Variants in SNED1 observed in about 807,000 individuals in gnomAD.
SNED1 encodes sushi, nidogen and EGF-like domain-containing protein 1.
In SNED1, 81 loss-of-function variants were observed where a neutral mutation model predicts 166.7. The ratio of observed to expected loss-of-function variants is 0.49; its 90% CI spans 0.41 to 0.58. SNED1 has a LOEUF of 0.58. SNED1 is among the 20% of genes least tolerant of loss of function. SNED1 has a pLI of 0.00. For synonymous variants in SNED1, 762 were observed against 822.0 expected, an observed-to-expected ratio of 0.93 and a Z score of 1.25; for missense variants, 1,604 against 2,000.2, an observed-to-expected ratio of 0.80 and a Z score of 3.78.
At chr2:241,024,235 CTTTTTTTTTTTTTTTTT>C (rs10664618) in intron 1 of SNED1, among the ~76,000 whole-genome samples, 1 of 46,908 alleles carries the variant, frequency 2.1e-5, no homozygotes, top group Non-Finnish European at 4.0e-5. Context: ...ACTCTACTAC[CTTTTTTTTTTTTTTTTT>C]TTTTTTTTTT....
At chr2:241,004,331 T>G (rs2060158817) in intron 1 of SNED1, among the ~76,000 whole-genome samples, 1 of 152,262 alleles carries the variant, frequency 6.6e-6, no homozygotes, top group African/African-American at 2.4e-5. Flanking sequence ...TGATTTTTTT[T>G]AATCCAGCCT....
At chr2:241,021,904 T>A (rs1260813118) in intron 1 of SNED1, among the ~76,000 whole-genome samples, 2 of 152,182 alleles carry the variant, frequency 1.3e-5, no homozygotes, top group African/African-American at 2.4e-5. Flanking sequence ...TGTATGAGGG[T>A]TCCAATTTCT....
intron 1 of SNED1, among the ~76,000 whole-genome samples, chr2:241,021,194 T>C (rs1180742139): frequency 6.6e-6 from 1 of 152,150 alleles, no homozygotes; most frequent in Non-Finnish European, 1.5e-5. Context: ...TGTTAGCTCC[T>C]TGTCAGTGCC....
At chr2:241,083,340 T>A (rs7580364) in intron 29 of SNED1, among the ~76,000 whole-genome samples, 5,675 of 152,094 alleles carry the variant, frequency 0.037, 365 homozygotes, top group African/African-American at 0.13. Flanking sequence ...CAGGGAACCC[T>A]CGGGGCCATG....
At chr2:241,072,462 A>C (rs1301108796) in intron 26 of SNED1, 5 of 355,076 alleles carry the variant, frequency 1.4e-5, no homozygotes, top group Non-Finnish European at 2.8e-5. Flanking sequence ...CCTGCCCCAG[A>C]GGGGACCTCT....
chr2:241,064,040 C>T lies in SNED1; in HGVS notation c.2514C>T (p.Cys838=). ...TGGACGCCTGCGACTCCAGCCCCTGCCAGCATGGAGGCCGGTGTGAGAGCG... is the reference window on the plus strand; with the variant it reads ...TGGACGCCTGCGACTCCAGCCCCTGTCAGCATGGAGGCCGGTGTGAGAGCG... The part of the protein sequence containing the change: ...TEVDACDSSP[C]QHGGRCESGG... The change falls in exon 19 of 32, where the codon TGC becomes TGT. Residue 838 remains cysteine (C), a synonymous_variant. Coordinates refer to ENST00000310397, the MANE Select transcript of SNED1 (RefSeq NM_001080437.3). This position sits in a 1 kb window ranked among gnomAD's most constrained non-coding sequence, Gnocchi z 7.0. 1 of 1,561,058 alleles carries T rather than the reference C, an allele frequency of 6.4e-7. No individual in the cohort carries two copies. The highest frequency in any genetic ancestry group is 8.7e-7 in the Non-Finnish European group (1 of 1,153,396).
At chr2:241,028,489 CT>C (rs1407884788) in intron 1 of SNED1, among the ~76,000 whole-genome samples, 1 of 152,226 alleles carries the variant, frequency 6.6e-6, no homozygotes, top group African/African-American at 2.4e-5. Context: ...AAGGGCCCAA[CT>C]TCATCCTTTT....
rs2062366866 is a variant in SNED1 at position 241,064,737 on chromosome 2, C to G, written c.2600-107C>G. On this transcript the variant is annotated intron_variant, in intron 19 of 31. Coordinates refer to ENST00000310397, the MANE Select transcript of SNED1 (RefSeq NM_001080437.3). This position sits in a 1 kb window ranked among gnomAD's most constrained non-coding sequence, Gnocchi z 7.0. ...AGTAGCTGTCCTGTGCCCCCCGCCCCTCCACACCCACGCAGGAGGGACCCA... is the reference window on the plus strand; with the variant it reads ...AGTAGCTGTCCTGTGCCCCCCGCCCGTCCACACCCACGCAGGAGGGACCCA... 1.3e-6 allele frequency: 1 copy of G among 764,088 alleles called. No homozygotes were observed. The highest frequency in any genetic ancestry group is 3.1e-5 in the East Asian group (1 of 32,562). The allele number at this position is 764,088 out of a possible 1,614,324, so 47.3% of individuals were successfully genotyped here.
intron 1 of SNED1, among the ~76,000 whole-genome samples, chr2:241,003,153 C>A (rs1378928367): frequency 2.0e-5 from 3 of 151,126 alleles, no homozygotes; most frequent in African/African-American, 4.9e-5. Flanking sequence ...ACTCCCCCAG[C>A]CCCACCCTCT....
Position 241,053,134 on chromosome 2 carries a change from A to C in SNED1, c.2084-19A>C. 2.5e-6 allele frequency: 4 copies of C among 1,602,768 alleles called. No homozygotes were observed. The highest frequency in any genetic ancestry group is 3.4e-6 in the Non-Finnish European group (4 of 1,175,948). On this transcript the variant is annotated intron_variant, in intron 15 of 31. Transcript: ENST00000310397. ...AGGAAGGCACAGGACCGTGCGAGAC[A>C]GGCTGCCGTGCCTTGCAGAGGTGGA...
rs1241382350 is a variant in SNED1, at chr2:241,068,359, G to A, written c.3194+412G>A. ...AGAGCAGCGGCCAGCGAGGGTAGAT[G>A]GTAGCAGCCCCGAGCTCTCCCAGGA... On this transcript the variant is annotated intron_variant, in intron 22 of 31. Transcript: ENST00000310397. This position sits in a 1 kb window ranked among gnomAD's most constrained non-coding sequence, Gnocchi z 5.3. Among the ~76,000 whole-genome samples the A allele has an allele frequency of 6.8e-6, 1 of 147,714 alleles. No homozygotes were observed. Among genetic ancestry groups the A allele is most frequent in the Admixed American group, 6.6e-5 (1 of 15,106 alleles).
chr2:241,007,795 A>G (rs868362349), intron 1 of SNED1, among the ~76,000 whole-genome samples: 3 of 152,166 alleles, frequency 2.0e-5, no homozygotes, highest in Non-Finnish European at 4.4e-5. Flanking sequence ...ACAATACAAG[A>G]TTCCATTCTA....
At chr2:241,029,370 G>C (rs368586212) in intron 1 of SNED1, among the ~76,000 whole-genome samples, 8 of 152,352 alleles carry the variant, frequency 5.3e-5, no homozygotes, top group African/African-American at 1.9e-4. Flanking sequence ...CTGGGCCATA[G>C]ATGGCATCTT....
At chr2:241,020,867 G>A (rs184297312) in intron 1 of SNED1, among the ~76,000 whole-genome samples, 7 of 152,208 alleles carry the variant, frequency 4.6e-5, no homozygotes, top group African/African-American at 1.4e-4. Flanking sequence ...GGCCATCTAC[G>A]GGCCCCCTCT....
chr2:241,064,651 G>T lies in SNED1; in HGVS notation c.2600-193G>T, dbSNP rs1002235240. Among the ~76,000 whole-genome samples the T allele has an allele frequency of 3.3e-5, 5 of 152,212 alleles. No individual in the cohort carries two copies. The highest frequency in any genetic ancestry group is 7.3e-5 in the Non-Finnish European group (5 of 68,042). ...GGCTGGTGGCACTCCGCTGTGGAGG[G>T]TGGAGGAGCTGCTGGGTTGGGCCCC... On this transcript the variant is annotated intron_variant, in intron 19 of 31. Transcript: ENST00000310397. This position sits in a 1 kb window ranked among gnomAD's most constrained non-coding sequence, Gnocchi z 7.0.
chr2:241,017,205 C>A (rs1277350213), intron 1 of SNED1, among the ~76,000 whole-genome samples: 1 of 152,164 alleles, frequency 6.6e-6, no homozygotes, highest in East Asian at 1.9e-4. Flanking sequence ...AGGATTGTAC[C>A]CTTCTTACAA....
At chr2:241,057,468 AG>A (rs1185264536) in intron 16 of SNED1, among the ~76,000 whole-genome samples, 1 of 149,282 alleles carries the variant, frequency 6.7e-6, no homozygotes, top group African/African-American at 2.5e-5. Flanking sequence ...CGATCATTTG[AG>A]CCCAGCAGTT....
intron 1 of SNED1, among the ~76,000 whole-genome samples, chr2:241,009,860 G>A (rs115192595): frequency 0.051 from 7,711 of 152,018 alleles, 442 homozygotes; most frequent in African/African-American, 0.14. Flanking sequence ...CAGTATTGCC[G>A]TCGGTGGCTG....
In SNED1 at chr2:241,036,770, G is replaced by A. The variant is rs2061384632; in HGVS notation, c.806-20G>A. 2 of 1,604,822 alleles carry A rather than the reference G, an allele frequency of 1.2e-6. No homozygotes were observed. Among genetic ancestry groups the A allele is most frequent in the South Asian group, 2.2e-5 (2 of 90,994 alleles). ...TCCGGAGGCAGCGGCTGAGGCTCCA[G>A]CCCCTCCCTATGTCTGCAGCGTCCG... On this transcript the variant is annotated intron_variant, in intron 4 of 31. Transcript: ENST00000310397.
Sources: gnomAD v4.1 joint callset for allele counts (sites outside exome capture counted in the v4.1 genomes callset) on GRCh38, gnomAD v4.1.1 for gene constraint, Gnocchi (gnomAD v3.1) non-coding constraint, MANE v1.5 for transcripts, NCBI Gene and HGNC (gene_info 2026-07-23, HGNC 2026-07-21) for gene names.